The following ME1 variants were observed in gnomAD, a reference collection of about 807,000 sequenced individuals.
ME1 encodes malic enzyme 1.
A neutral mutation model predicts 66.4 loss-of-function variants in ME1; 74 were observed. The ratio of observed to expected loss-of-function variants is 1.11; its 90% CI spans 0.92 to 1.35. ME1 has a LOEUF of 1.35. Among genes scored for constraint, ME1 ranks in the 40% most tolerant of loss-of-function variants. The pLI, the probability that ME1 is intolerant of heterozygous loss-of-function variation, is 0.00. For synonymous variants in ME1, 251 were observed against 235.6 expected (o/e 1.07, Z -0.60); for missense variants, 750 against 694.1 (o/e 1.08, Z -0.90).
chr6:83,357,935 C>CTCTCTATA (rs1447805761), intron 3 of ME1, among the ~76,000 whole-genome samples: 10 of 30,036 alleles, frequency 3.3e-4, no homozygotes, highest in Non-Finnish European at 4.1e-4. Flanking sequence ...CTCTCTCTCT[C>CTCTCTATA]TATATATATA....
intron 3 of ME1, chr6:83,392,939 G>T: frequency 1.2e-6 from 1 of 823,952 alleles, no homozygotes; most frequent in South Asian, 1.3e-5. Context: ...AAGGACTCAT[G>T]ACCATCGCTG....
At chr6:83,225,171 A>G (rs1351085918) in intron 11 of ME1, among the ~76,000 whole-genome samples, 1 of 136,802 alleles carries the variant, frequency 7.3e-6, no homozygotes, top group Non-Finnish European at 1.5e-5. Flanking sequence ...CATTCATTGC[A>G]CTCCAGCCTG....
At chr6:83,370,277 T>C (rs1275290694) in intron 3 of ME1, among the ~76,000 whole-genome samples, 1 of 152,180 alleles carries the variant, frequency 6.6e-6, no homozygotes, top group African/African-American at 2.4e-5. Flanking sequence ...GGAAAAGGCA[T>C]AATAAATTCT....
intron 3 of ME1, among the ~76,000 whole-genome samples, chr6:83,358,333 A>C (rs1419195930): frequency 6.6e-6 from 1 of 152,112 alleles, no homozygotes; most frequent in Non-Finnish European, 1.5e-5. Context: ...TGGTGAACCA[A>C]CGACCATAAT....
intron 3 of ME1, among the ~76,000 whole-genome samples, chr6:83,373,758 C>T (rs1456797220): frequency 6.6e-6 from 1 of 152,086 alleles, no homozygotes; most frequent in Non-Finnish European, 1.5e-5. Context: ...GTCCTGATCT[C>T]CTTCCCCTCA....
intron 5 of ME1, among the ~76,000 whole-genome samples, chr6:83,323,520 A>ACC (rs1289016174): frequency 5.3e-5 from 8 of 151,144 alleles, no homozygotes; most frequent in Non-Finnish European, 1.0e-4. Flanking sequence ...CAAAAAAAAA[A>ACC]CCCCAGAGGT....
chr6:83,244,630 G>C (rs1376777274), intron 7 of ME1, among the ~76,000 whole-genome samples: 1 of 152,102 alleles, frequency 6.6e-6, no homozygotes, highest in East Asian at 1.9e-4. Context: ...CACAAAGCTT[G>C]TGCTTCCTGT....
intron 3 of ME1, among the ~76,000 whole-genome samples, chr6:83,357,792 A>T (rs1418413400): frequency 1.3e-5 from 2 of 149,998 alleles, no homozygotes; most frequent in East Asian, 4.0e-4. Context: ...CGAACATCGA[A>T]CTCCAAGTTC....
At chr6:83,288,035 T>C (rs573972536) in intron 6 of ME1, among the ~76,000 whole-genome samples, 21 of 152,306 alleles carry the variant, frequency 1.4e-4, no homozygotes, top group African/African-American at 4.3e-4. Context: ...TTTAAGTTCT[T>C]TGTAGATTCT....
chr6:83,270,638 ACAGAGGGGTTT>A (rs1432885988), intron 6 of ME1, among the ~76,000 whole-genome samples: 1 of 152,138 alleles, frequency 6.6e-6, no homozygotes, highest in Non-Finnish European at 1.5e-5. Flanking sequence ...GCAAAGCAAA[ACAGAGGGGTTT>A]CTTCACTCAG....
intron 3 of ME1, among the ~76,000 whole-genome samples, chr6:83,396,595 ATTT>A (rs959802722): frequency 1.3e-5 from 2 of 152,124 alleles, no homozygotes; most frequent in Non-Finnish European, 2.9e-5. Context: ...TTCCAATGAC[ATTT>A]TTTCACAGAA....
intron 6 of ME1, among the ~76,000 whole-genome samples, chr6:83,256,344 T>A (rs1197725517): frequency 1.3e-5 from 2 of 152,064 alleles, no homozygotes; most frequent in Admixed American, 1.3e-4. Context: ...GGCAGGTAAA[T>A]AATGTTCTCA....
In ME1 at chr6:83,327,599, C is replaced by G. The variant is rs190998946; in HGVS notation, c.601-12186G>C. Reference sequence around the variant, plus strand: ...TGGTCAGACCAGTTGATCTCAAAACCCTGTCTCCTGATAAGATGTTATCAA... The same window carrying G: ...TGGTCAGACCAGTTGATCTCAAAACGCTGTCTCCTGATAAGATGTTATCAA... On this transcript the variant is annotated intron_variant, in intron 5 of 13. Coordinates refer to ENST00000369705, the MANE Select transcript of ME1 (RefSeq NM_002395.6). Among the ~76,000 whole-genome samples the G allele has an allele frequency of 9.2e-5, 14 of 152,246 alleles. No homozygotes were observed. The South Asian group carries it at 1.0e-3, about 11-fold the overall frequency.
At chr6:83,293,023 A>G (rs1015118499) in intron 6 of ME1, among the ~76,000 whole-genome samples, 1 of 152,114 alleles carries the variant, frequency 6.6e-6, no homozygotes, top group Non-Finnish European at 1.5e-5. Context: ...GGGCAGGAGC[A>G]TACCACTCCT....
At chr6:83,262,362 T>C (rs1251480291) in intron 6 of ME1, among the ~76,000 whole-genome samples, 1 of 152,196 alleles carries the variant, frequency 6.6e-6, no homozygotes, top group Non-Finnish European at 1.5e-5. Context: ...CTAAAATGCC[T>C]TCATATAAGG....
At chr6:83,296,469 C>T (rs538913377) in intron 6 of ME1, among the ~76,000 whole-genome samples, 3 of 152,092 alleles carry the variant, frequency 2.0e-5, no homozygotes, top group Non-Finnish European at 2.9e-5. Context: ...ATTCAACATC[C>T]CTTTCTGTTA....
chr6:83,346,895 C>T (rs902717787), intron 4 of ME1, among the ~76,000 whole-genome samples: 2 of 152,102 alleles, frequency 1.3e-5, no homozygotes, highest in Non-Finnish European at 2.9e-5. Flanking sequence ...AAATTTTCCA[C>T]TAGACTTAAT....
intron 1 of ME1, among the ~76,000 whole-genome samples, chr6:83,420,499 G>T (rs1770243590): frequency 6.6e-6 from 1 of 152,176 alleles, no homozygotes; most frequent in Admixed American, 6.5e-5. Context: ...TCTTAATTAA[G>T]CTGTATCTTA....
chr6:83,372,467 G>A (rs1769208147), intron 3 of ME1, among the ~76,000 whole-genome samples: 1 of 152,124 alleles, frequency 6.6e-6, no homozygotes, highest in Non-Finnish European at 1.5e-5. Flanking sequence ...ACCTAGTGTG[G>A]TTCTCCAAGA....
Sources: gnomAD v4.1 joint callset for allele counts (sites outside exome capture counted in the v4.1 genomes callset) on GRCh38, gnomAD v4.1.1 for gene constraint, MANE v1.5 for transcripts, NCBI Gene and HGNC (gene_info 2026-07-23, HGNC 2026-07-21) for gene names.